Variants in MAF observed in about 807,000 individuals in gnomAD.
MAF encodes transcription factor Maf.
A neutral mutation model predicts 22.0 loss-of-function variants in MAF; 10 were observed. The ratio of observed to expected loss-of-function variants is 0.45; its 90% CI spans 0.28 to 0.77. The LOEUF is 0.77. Among genes scored for constraint, MAF ranks in the 30% least tolerant of loss-of-function variants. The pLI is 0.12. For synonymous variants in MAF, 337 were observed against 255.8 expected, an observed-to-expected ratio of 1.32 and a Z score of -3.03; for missense variants, 544 against 548.4, an observed-to-expected ratio of 0.99 and a Z score of 0.08.
the MAF span, among the ~76,000 whole-genome samples, chr16:79,502,656 A>G: frequency 6.8e-6 from 1 of 146,814 alleles, no homozygotes; most frequent in African/African-American, 2.6e-5. Flanking sequence ...ACAGAGTTAG[A>G]CCTTGTCTCC....
the MAF span, among the ~76,000 whole-genome samples, chr16:79,458,109 A>AGTGTGTGTGTGT: frequency 0.082 from 11,206 of 136,312 alleles, 701 homozygotes; most frequent in East Asian, 0.13. Flanking sequence ...GGTATGTATA[A>AGTGTGTGTGTGT]GTGTGTGTGT....
the MAF span, among the ~76,000 whole-genome samples, chr16:79,427,828 T>C: frequency 3.9e-5 from 6 of 152,066 alleles, no homozygotes; most frequent in Non-Finnish European, 8.8e-5. Context: ...ACGGCCTCCT[T>C]GTGAGAAAGA....
At position 79,594,450 on chromosome 16, in the gene MAF, C is replaced by G; in HGVS notation, c.*10G>C. The G allele has an allele frequency of 6.4e-7, 1 of 1,553,160 alleles. No homozygotes were observed. The highest frequency in any genetic ancestry group is 1.2e-5 in the South Asian group (1 of 84,274). On this transcript the variant is annotated 3_prime_UTR_variant, in exon 2 of 2. Transcript: ENST00000326043. ...ATGATTTTTTTTAATGTACAGCTCT[C>G]ACACAAATTTCATTTTGTGAACACA...
the MAF span, among the ~76,000 whole-genome samples, chr16:79,566,147 T>G: frequency 1.3e-4 from 20 of 152,304 alleles, no homozygotes; most frequent in Admixed American, 9.8e-4. Flanking sequence ...CTGTAGATCA[T>G]CAGTTTCTTT....
chr16:79,358,625 G>C, the MAF span, among the ~76,000 whole-genome samples: 3 of 152,104 alleles, frequency 2.0e-5, 1 homozygote, highest in East Asian at 3.9e-4. Context: ...TTACTTTTTT[G>C]CGAGGATGTA....
chr16:79,513,175 C>T, the MAF span, among the ~76,000 whole-genome samples: 1 of 152,266 alleles, frequency 6.6e-6, no homozygotes, highest in Admixed American at 6.5e-5. Context: ...AGCCCTATAG[C>T]CCGGGCGACA....
chr16:79,280,707 C>G, the MAF span, among the ~76,000 whole-genome samples: 4 of 152,308 alleles, frequency 2.6e-5, no homozygotes, highest in South Asian at 8.3e-4. Flanking sequence ...TCAGCTGAAC[C>G]CACATCTCCA....
chr16:79,596,006 G>C (rs1041061662), intron 1 of MAF: 14 of 1,060,048 alleles, frequency 1.3e-5, no homozygotes, highest in African/African-American at 9.9e-5. Flanking sequence ...AGAAAATCTC[G>C]GTGTGTAAGA....
the MAF span, among the ~76,000 whole-genome samples, chr16:79,380,379 G>A: frequency 6.6e-6 from 1 of 152,170 alleles, no homozygotes; most frequent in Non-Finnish European, 1.5e-5. Flanking sequence ...AATAGTAGTA[G>A]CATGTGCTGA....
chr16:79,203,144 C>T, the MAF span: 1 of 152,328 alleles, frequency 6.6e-6, no homozygotes, highest in Admixed American at 6.5e-5. Flanking sequence ...TCTATTGTTT[C>T]TCATTACCCA....
At chr16:79,321,730 A>T in the MAF span, among the ~76,000 whole-genome samples, 4 of 142,066 alleles carry the variant, frequency 2.8e-5, no homozygotes, top group African/African-American at 1.1e-4. Flanking sequence ...AGCTCACTGC[A>T]AGCTCTGCCT....
chr16:79,599,282 G>T lies in MAF; in HGVS notation c.621C>A (p.Ala207=). The part of the protein sequence containing the change: ...AGAPGAAGSA[A]ASAGGAGGAG... ...CGCCCCCAGCGCCACCGGCCGAGGC[G>T]GCCGCGCTGCCCGCGGCGCCGGGCG... Residue 207 remains alanine, a synonymous_variant, in exon 1 of 2, where the codon GCC becomes GCA. Transcript: ENST00000326043. 1 of 979,002 alleles carries T rather than the reference G, an allele frequency of 1.0e-6. No individual in the cohort carries two copies. Among genetic ancestry groups the T allele is most frequent in the South Asian group, 4.6e-5 (1 of 21,536 alleles). The allele number at this position is 979,002 out of a possible 1,614,324, so 60.6% of individuals were successfully genotyped here. A position where few individuals can be genotyped will look rare whatever the true frequency, so the allele number is the denominator to read the frequency against.
chr16:79,481,143 C>T, the MAF span, among the ~76,000 whole-genome samples: 3 of 152,118 alleles, frequency 2.0e-5, no homozygotes, highest in Admixed American at 6.5e-5. Flanking sequence ...TGTTGCTTGG[C>T]CTCAGTACAC....
chr16:79,361,929 T>G, the MAF span, among the ~76,000 whole-genome samples: 1 of 152,154 alleles, frequency 6.6e-6, no homozygotes, highest in Non-Finnish European at 1.5e-5. Context: ...GTGGCAAGCA[T>G]TTGACTATAA....
the MAF span, among the ~76,000 whole-genome samples, chr16:79,296,187 A>G: frequency 1.3e-5 from 2 of 152,260 alleles, no homozygotes; most frequent in Non-Finnish European, 1.5e-5. Context: ...ATAAGTTATT[A>G]TATACGAAGC....
the MAF span, among the ~76,000 whole-genome samples, chr16:79,490,831 C>T: frequency 1.3e-5 from 2 of 152,292 alleles, no homozygotes; most frequent in East Asian, 3.9e-4. Context: ...GTCCAGGTCT[C>T]ACTCTTGGGC....
chr16:79,378,413 A>G, the MAF span, among the ~76,000 whole-genome samples: 1 of 152,208 alleles, frequency 6.6e-6, no homozygotes, highest in Non-Finnish European at 1.5e-5. Flanking sequence ...ATTAAAACCA[A>G]GCTTGGCGAA....
the MAF span, among the ~76,000 whole-genome samples, chr16:79,547,901 TGA>T: frequency 7.3e-6 from 1 of 137,368 alleles, no homozygotes; most frequent in East Asian, 2.2e-4. Context: ...TGTGTGTGTG[TGA>T]GAGAGAGAGA....
chr16:79,380,886 T>C, the MAF span, among the ~76,000 whole-genome samples: 1 of 152,256 alleles, frequency 6.6e-6, no homozygotes, highest in African/African-American at 2.4e-5. Context: ...GGAAGTTGTC[T>C]GCCAAATCTG....
Sources: allele counts gnomAD v4.1 joint callset (sites outside exome capture counted in the v4.1 genomes callset), GRCh38; gene constraint gnomAD v4.1.1; transcripts MANE v1.5; gene names NCBI Gene and HGNC (gene_info 2026-07-23, HGNC 2026-07-21).